Variants in FOSL2 observed in about 807,000 individuals in gnomAD.
FOSL2 encodes the protein FOS like 2, AP-1 transcription factor subunit.
FOSL2 carries 3 observed loss-of-function variants against 27.7 expected under a neutral mutation model. That is an observed-to-expected ratio of 0.11 (90% CI 0.05 to 0.28). The LOEUF (loss-of-function observed/expected upper bound fraction) is 0.28. FOSL2 is among the 10% of genes least tolerant of loss of function. The pLI, the probability that FOSL2 is intolerant of heterozygous loss-of-function variation, is 1.00. For missense variants in FOSL2, 333 were observed against 445.1 expected, an observed-to-expected ratio of 0.75 and a Z score of 2.27; for synonymous variants, 179 against 190.1, an observed-to-expected ratio of 0.94 and a Z score of 0.48.
At position 28,392,971 on chromosome 2, in the gene FOSL2, A is replaced by AGGCGCGGCCGGGCGAGGCG. The variant is rs1663706386; in HGVS notation, c.-746_-728dup. On this transcript the variant is annotated 5_prime_UTR_variant, in exon 1 of 4. Transcript: ENST00000264716. ...GAGAGAGAGAGAGAGAGAGAGGGAGAGGCGCGGCCGGGCGAGGCGGGCCCG... is the reference window on the plus strand; with the variant it reads ...GAGAGAGAGAGAGAGAGAGAGGGAGAGGCGCGGCCGGGCGAGGCGGGCGCGGCCGGGCGAGGCGGGCCCG... 2 of 667,382 alleles carry AGGCGCGGCCGGGCGAGGCG rather than the reference A, an allele frequency of 3.0e-6. No individual in the cohort carries two copies. Among genetic ancestry groups the AGGCGCGGCCGGGCGAGGCG allele is most frequent in the Non-Finnish European group, 5.6e-6 (2 of 356,998 alleles). The allele number at this position is 667,382 out of a possible 1,614,324, so 41.3% of individuals were successfully genotyped here.
In FOSL2 at chr2:28,408,549, C is replaced by A. The variant is rs1004401443; in HGVS notation, c.355-210C>A. ...TAAACTTGGACATCACCTTCCGGGG[C>A]AGATTCAGCTCAAAAGAGCCCTCCC... On this transcript the variant is annotated intron_variant, in intron 2 of 3. Coordinates refer to ENST00000264716, the MANE Select transcript of FOSL2 (RefSeq NM_005253.4). The surrounding 1 kb of genome is among the most constrained non-coding windows in gnomAD (Gnocchi z 4.1). Among the ~76,000 whole-genome samples the A allele has an allele frequency of 2.0e-5, 3 of 152,212 alleles. No individual in the cohort carries two copies. The highest frequency in any genetic ancestry group is 7.2e-5 in the African/African-American group (3 of 41,456).
chr2:28,411,457 C>G (rs72775176), intron 3 of FOSL2, among the ~76,000 whole-genome samples: 13,341 of 152,170 alleles, frequency 0.088, 826 homozygotes, highest in Non-Finnish European at 0.13. Flanking sequence ...AGGGGGCAGT[C>G]CTGGCACCAA....
At chr2:28,403,392 C>T (rs1003792584) in intron 1 of FOSL2, among the ~76,000 whole-genome samples, 3 of 152,088 alleles carry the variant, frequency 2.0e-5, no homozygotes, top group Non-Finnish European at 4.4e-5. Flanking sequence ...TAGATCAATG[C>T]CTATGTAGCT....
intron 2 of FOSL2, among the ~76,000 whole-genome samples, chr2:28,407,637 C>T (rs1664110003): frequency 2.0e-5 from 3 of 152,188 alleles, no homozygotes; most frequent in Admixed American, 6.5e-5. Context: ...GAGAGCTGAC[C>T]CAGGTCTTAT....
intron 2 of FOSL2, among the ~76,000 whole-genome samples, chr2:28,406,051 T>C (rs1051910404): frequency 2.3e-5 from 1 of 42,638 alleles, no homozygotes; most frequent in African/African-American, 2.1e-4. Context: ...TCCCTTTTTT[T>C]TTTTTTTTTT....
Position 28,412,381 on chromosome 2 carries a change from G to A in FOSL2, c.914G>A (p.Arg305His). 2 of 1,608,988 alleles carry A rather than the reference G, an allele frequency of 1.2e-6. No individual in the cohort carries two copies. The highest frequency in any genetic ancestry group is 1.7e-6 in the Non-Finnish European group (2 of 1,179,988). Residue 305 changes from arginine (R) to histidine (H), a missense_variant, in exon 4 of 4, where the codon CGC becomes CAC. By Grantham distance (29) the Arg-to-His change is conservative (BLOSUM62 0). Around this residue, in one of 4 missense-constraint regions of FOSL2, gnomAD observed 26 missense variants for 59.3 expected, o/e 0.44. Transcript: ENST00000264716. This position sits in a 1 kb window ranked among gnomAD's most constrained non-coding sequence, Gnocchi z 7.1. ...TCCGAATCCTGCTCCAAGGCTCACC[G>A]CAGAAGCAGTAGCAGCGGGGACCAA... is the stretch of plus-strand genomic sequence containing the variant. ...SPSESCSKAHRRSSSSGDQSS... is the reference protein window; with the variant it reads ...SPSESCSKAHHRSSSSGDQSS...
Position 28,413,675 on chromosome 2 carries a change from G to A in FOSL2, c.*1227G>A, listed in dbSNP as rs945705118. The A allele has an allele frequency of 1.8e-5, 7 of 399,086 alleles. No homozygotes were observed. Among genetic ancestry groups the A allele is most frequent in the Admixed American group, 8.8e-5 (2 of 22,728 alleles). 24.7% of individuals were successfully genotyped at this position (399,086 alleles called of 1,614,324 possible). On this transcript the variant is annotated 3_prime_UTR_variant, in exon 4 of 4. Transcript: ENST00000264716. The stretch of plus-strand genomic sequence containing the variant: ...GCTGCTCACCTCCCCGCAGGGCACC[G>A]GGCCTTTCCTGCCCTCTGTGGTCAT...
At chr2:28,400,104 C>T (rs1663939309) in intron 1 of FOSL2, among the ~76,000 whole-genome samples, 1 of 152,150 alleles carries the variant, frequency 6.6e-6, no homozygotes, top group South Asian at 2.1e-4. Flanking sequence ...CATCCAGCAT[C>T]TTCAAAGTGT....
chr2:28,405,505 G>C (rs149498287), intron 2 of FOSL2, among the ~76,000 whole-genome samples: 28 of 152,318 alleles, frequency 1.8e-4, no homozygotes, highest in African/African-American at 6.7e-4. Flanking sequence ...TTCACTCTGT[G>C]ATCCCCAGGG....
At chr2:28,402,754 G>A (rs991340714) in intron 1 of FOSL2, among the ~76,000 whole-genome samples, 11 of 152,192 alleles carry the variant, frequency 7.2e-5, no homozygotes, top group Non-Finnish European at 1.6e-4. Flanking sequence ...AATGGAAAAG[G>A]AGCTTGTATA....
At chr2:28,400,942 T>C (rs1420385945) in intron 1 of FOSL2, among the ~76,000 whole-genome samples, 1 of 152,168 alleles carries the variant, frequency 6.6e-6, no homozygotes, top group Non-Finnish European at 1.5e-5. Flanking sequence ...AGTGACTTTC[T>C]TAGGTGCTTT....
chr2:28,415,964 AG>A lies in FOSL2; in HGVS notation c.*3520del, dbSNP rs948161336. 1.1e-4 allele frequency: 17 copies of A among 152,268 alleles called. No homozygotes were observed. Among genetic ancestry groups the A allele is most frequent in the African/African-American group, 3.6e-4 (15 of 41,544 alleles). 9.4% of individuals were successfully genotyped at this position (152,268 alleles called of 1,614,324 possible). On this transcript the variant is annotated 3_prime_UTR_variant, in exon 4 of 4. Coordinates refer to ENST00000264716, the MANE Select transcript of FOSL2 (RefSeq NM_005253.4). ...TCCCGTGCACTCCTCAGATGGTCAG[AG>A]GGGTAACCCAAGTCCTTAGAGAATT... is the stretch of plus-strand genomic sequence containing the variant.
At position 28,394,148 on chromosome 2, in the gene FOSL2, CCCA is replaced by C. The variant is rs1452283184; in HGVS notation, c.102+329_102+331del. Among the ~76,000 whole-genome samples, 273 of 125,144 alleles carry C rather than the reference CCCA, an allele frequency of 2.2e-3. 2 individuals carry two copies. The highest frequency in any genetic ancestry group is 9.0e-3 in the South Asian group (29 of 3,232). 82.1% of individuals were successfully genotyped at this position (125,144 alleles called of 152,430 possible). A position where few individuals can be genotyped will look rare whatever the true frequency, so the allele number is the denominator to read the frequency against. On this transcript the variant is annotated intron_variant, in intron 1 of 3. Transcript: ENST00000264716. ...CCTCCCCAGTGTCTGCCCCCCCCCC[CCCA>C]CCCCTGCCCCGCGTCTTCTCTCTGG...
rs1450669567 is a variant in FOSL2, at chr2:28,408,707, A to G, written c.355-52A>G. 5 of 1,319,398 alleles carry G rather than the reference A, an allele frequency of 3.8e-6. No individual in the cohort carries two copies. The highest frequency in any genetic ancestry group is 4.9e-5 in the Admixed American group (2 of 40,874). 81.7% of individuals were successfully genotyped at this position (1,319,398 alleles called of 1,614,324 possible). Reference sequence around the variant, plus strand: ...ACTTAAAATACAGTTTTTAAAAAATACTGTGAACCATTGTCTCTGTTCTAA... The same window carrying G: ...ACTTAAAATACAGTTTTTAAAAAATGCTGTGAACCATTGTCTCTGTTCTAA... On this transcript the variant is annotated intron_variant, in intron 2 of 3. Transcript: ENST00000264716. This position sits in a 1 kb window ranked among gnomAD's most constrained non-coding sequence, Gnocchi z 4.1.
At chr2:28,409,464 G>T (rs1572494515) in intron 3 of FOSL2, among the ~76,000 whole-genome samples, 1 of 152,198 alleles carries the variant, frequency 6.6e-6, no homozygotes, top group East Asian at 1.9e-4. Context: ...TGCTGCTCTT[G>T]TGAGTCACTC....
At chr2:28,397,010 C>A (rs1330959551) in intron 1 of FOSL2, 1 of 151,990 alleles carries the variant, frequency 6.6e-6, no homozygotes, top group Non-Finnish European at 1.5e-5. Context: ...TTTTCCAGTC[C>A]CAGAGAGTGT....
intron 3 of FOSL2, chr2:28,410,612 G>A (rs1016375818): frequency 1.1e-6 from 1 of 877,422 alleles, no homozygotes; most frequent in African/African-American, 1.8e-5. Flanking sequence ...CCATGTTAGG[G>A]AAAACGTGGG....
intron 2 of FOSL2, among the ~76,000 whole-genome samples, chr2:28,405,433 A>G (rs1207212666): frequency 6.6e-6 from 1 of 152,190 alleles, no homozygotes; most frequent in Non-Finnish European, 1.5e-5. Flanking sequence ...ATGAATTGTT[A>G]TCCTGGGAAA....
Position 28,398,546 on chromosome 2 carries a change from C to G in FOSL2, c.102+4724C>G, listed in dbSNP as rs554788870. Among the ~76,000 whole-genome samples the G allele has an allele frequency of 5.3e-5, 8 of 152,332 alleles. No individual in the cohort carries two copies. The South Asian group carries it at 1.7e-3, about 32-fold the overall frequency. On this transcript the variant is annotated intron_variant, in intron 1 of 3. Transcript: ENST00000264716. Reference sequence around the variant, plus strand: ...GGAGTGGCGCTTCTGGCCAAAAGGGCCCTGGCAGGGAAGCAGCTGGGGAGC... The same window carrying G: ...GGAGTGGCGCTTCTGGCCAAAAGGGGCCTGGCAGGGAAGCAGCTGGGGAGC...
Sources: gnomAD v4.1 joint callset for allele counts (sites outside exome capture counted in the v4.1 genomes callset) on GRCh38, gnomAD v4.1.1 for gene constraint, gnomAD v4.1.1 regional missense constraint, Gnocchi (gnomAD v3.1) non-coding constraint, MANE v1.5 for transcripts, NCBI Gene and HGNC (gene_info 2026-07-23, HGNC 2026-07-21) for gene names.